NR5A2: variants seen among roughly 807,000 people sequenced by gnomAD.
NR5A2 encodes the protein CYP7A promoter-binding factor.
NR5A2 carries 26 observed loss-of-function variants against 62.7 expected under a neutral mutation model. The observed-to-expected ratio is 0.41, with a 90% CI of 0.30 to 0.58. NR5A2 has a LOEUF of 0.58. Among genes scored for constraint, NR5A2 ranks in the 20% least tolerant of loss-of-function variants. NR5A2 has a pLI of 0.22. For missense variants in NR5A2, 541 were observed against 669.1 expected (o/e 0.81, Z 2.11); for synonymous variants, 246 against 241.7 (o/e 1.02, Z -0.16).
chr1:200,061,120 CAAAAAA>C (rs34729240), intron 5 of NR5A2, among the ~76,000 whole-genome samples: 2 of 75,404 alleles, frequency 2.7e-5, no homozygotes, highest in Admixed American at 1.6e-4. Flanking sequence ...AACTCCGTCT[CAAAAAA>C]AAAAAAAAAA....
intron 5 of NR5A2, among the ~76,000 whole-genome samples, chr1:200,104,258 C>T (rs1665538407): frequency 6.6e-6 from 1 of 152,198 alleles, no homozygotes; most frequent in Non-Finnish European, 1.5e-5. Flanking sequence ...GGGCGTTTTA[C>T]TGGCTCTTAG....
At chr1:200,140,466 T>C (rs1336612656) in intron 7 of NR5A2, among the ~76,000 whole-genome samples, 2 of 152,232 alleles carry the variant, frequency 1.3e-5, no homozygotes, top group African/African-American at 4.8e-5. Flanking sequence ...AAGATTGACA[T>C]CTTTTTTCCC....
intron 7 of NR5A2, among the ~76,000 whole-genome samples, chr1:200,125,760 TAAA>T (rs1359301120): frequency 6.6e-6 from 1 of 152,206 alleles, no homozygotes; most frequent in Non-Finnish European, 1.5e-5. Flanking sequence ...TGTTTATTAA[TAAA>T]AAATGTGACT....
intron 6 of NR5A2, among the ~76,000 whole-genome samples, chr1:200,118,022 T>TC (rs200710938): frequency 0.022 from 3,133 of 139,870 alleles, 64 homozygotes; most frequent in Admixed American, 0.045. Context: ...CCTTTTTCTT[T>TC]TTTTTTTTTT....
chr1:200,103,000 TG>T (rs1186106266), intron 5 of NR5A2, among the ~76,000 whole-genome samples: 1 of 152,196 alleles, frequency 6.6e-6, no homozygotes, highest in Middle Eastern at 3.2e-3. Context: ...ATTTGCTGTG[TG>T]ACATTTGGAA....
chr1:200,044,112 T>G (rs1434331775), intron 3 of NR5A2: 5 of 408,684 alleles, frequency 1.2e-5, no homozygotes, highest in Admixed American at 8.3e-5. Flanking sequence ...GCCAGTCTCA[T>G]GGTTCTAAAA....
intron 7 of NR5A2, among the ~76,000 whole-genome samples, chr1:200,162,888 C>G (rs905675485): frequency 6.6e-6 from 1 of 152,172 alleles, no homozygotes; most frequent in African/African-American, 2.4e-5. Context: ...ACATTTTAGA[C>G]ACTGAGTTTG....
intron 7 of NR5A2, among the ~76,000 whole-genome samples, chr1:200,140,751 C>T (rs1162325426): frequency 6.6e-6 from 1 of 152,216 alleles, no homozygotes; most frequent in Non-Finnish European, 1.5e-5. Context: ...ATCAGAAAGG[C>T]AGGGCGCAGT....
chr1:200,095,495 G>A (rs554726837), intron 5 of NR5A2, among the ~76,000 whole-genome samples: 17 of 152,102 alleles, frequency 1.1e-4, no homozygotes, highest in Non-Finnish European at 1.8e-4. Context: ...TGTCTCCTAC[G>A]AATGGGTTAT....
chr1:200,096,007 G>A (rs1168811018), intron 5 of NR5A2, among the ~76,000 whole-genome samples: 1 of 152,102 alleles, frequency 6.6e-6, no homozygotes, highest in African/African-American at 2.4e-5. Context: ...ACATGTGACA[G>A]ACTAATTTTG....
chr1:200,055,094 G>A lies in NR5A2; in HGVS notation c.1110+6276G>A, dbSNP rs532751452. Among the ~76,000 whole-genome samples the A allele has an allele frequency of 6.6e-5, 10 of 151,866 alleles. No individual in the cohort carries two copies. The South Asian group carries it at 1.3e-3, about 19-fold the overall frequency. ...ATTTTTTGTGGAGATGGGATCTTGC[G>A]ACGTTGCCCAGGCTGGTCTGGAACT... On this transcript the variant is annotated intron_variant, in intron 5 of 7. Coordinates refer to ENST00000367362, the MANE Select transcript of NR5A2 (RefSeq NM_205860.3).
chr1:200,092,843 G>T (rs967364276), intron 5 of NR5A2, among the ~76,000 whole-genome samples: 5 of 143,382 alleles, frequency 3.5e-5, no homozygotes, highest in Admixed American at 6.9e-5. Context: ...TTGCTTTAAA[G>T]TGTAACATTG....
At chr1:200,107,725 T>G (rs769637487) in intron 5 of NR5A2, among the ~76,000 whole-genome samples, 5 of 152,014 alleles carry the variant, frequency 3.3e-5, no homozygotes, top group South Asian at 4.1e-4. Flanking sequence ...CTGCAACCTC[T>G]GCCCTCTGGG....
At chr1:200,095,862 A>G (rs1665072890) in intron 5 of NR5A2, among the ~76,000 whole-genome samples, 1 of 151,942 alleles carries the variant, frequency 6.6e-6, no homozygotes, top group Non-Finnish European at 1.5e-5. Flanking sequence ...AGCAAGTAAT[A>G]TTTTTTAAAA....
intron 5 of NR5A2, among the ~76,000 whole-genome samples, chr1:200,059,140 C>A (rs1479953059): frequency 6.6e-6 from 1 of 151,836 alleles, no homozygotes; most frequent in African/African-American, 2.4e-5. Context: ...TTAGAGGAGA[C>A]CATCGTAGGA....
intron 5 of NR5A2, among the ~76,000 whole-genome samples, chr1:200,067,871 G>A (rs1014931504): frequency 6.6e-6 from 1 of 152,222 alleles, no homozygotes; most frequent in Non-Finnish European, 1.5e-5. Flanking sequence ...TAATGGCTGA[G>A]AACATTTAGT....
intron 5 of NR5A2, among the ~76,000 whole-genome samples, chr1:200,099,689 G>T (rs1394940690): frequency 6.6e-6 from 1 of 152,148 alleles, no homozygotes; most frequent in Non-Finnish European, 1.5e-5. Context: ...TGCCTCCCAG[G>T]TTCAAGTGAT....
chr1:200,035,801 C>G (rs755026776), intron 1 of NR5A2, among the ~76,000 whole-genome samples: 3 of 151,902 alleles, frequency 2.0e-5, no homozygotes, highest in Non-Finnish European at 4.4e-5. Context: ...AGACCTGTCT[C>G]GTCGGAAAGA....
chr1:200,041,456 TG>T (rs1445061031), intron 2 of NR5A2, among the ~76,000 whole-genome samples: 2 of 152,080 alleles, frequency 1.3e-5, no homozygotes, highest in Non-Finnish European at 2.9e-5. Flanking sequence ...CCCTGGGGGA[TG>T]GGGACCCCAT....
Sources: gnomAD v4.1 joint callset for allele counts (sites outside exome capture counted in the v4.1 genomes callset) on GRCh38, gnomAD v4.1.1 for gene constraint, MANE v1.5 for transcripts, NCBI Gene and HGNC (gene_info 2026-07-23, HGNC 2026-07-21) for gene names.